TENT2: variants seen among roughly 807,000 people sequenced by gnomAD.
TENT2 encodes the protein poly(A) RNA polymerase GLD2.
Under a neutral mutation model 72.2 loss-of-function variants are expected in TENT2, and 44 were observed. That is an observed-to-expected ratio of 0.61 (90% confidence interval 0.48 to 0.78). TENT2 has a LOEUF of 0.78. TENT2 is among the 30% of genes least tolerant of loss of function. The pLI is 0.00. For synonymous variants in TENT2, 212 were observed against 192.5 expected (o/e 1.10, Z -0.84); for missense variants, 541 against 569.6 (o/e 0.95, Z 0.51).
At chr5:79,628,508 C>T (rs1241937425) in intron 4 of TENT2, among the ~76,000 whole-genome samples, 1 of 151,982 alleles carries the variant, frequency 6.6e-6, no homozygotes, top group Non-Finnish European at 1.5e-5. Flanking sequence ...CTTTCAGTTA[C>T]AGTAGATGGT....
chr5:79,636,543 T>C (rs1047625073), intron 4 of TENT2, among the ~76,000 whole-genome samples: 1 of 152,202 alleles, frequency 6.6e-6, no homozygotes, highest in Non-Finnish European at 1.5e-5. Flanking sequence ...ATTCTTGGAC[T>C]TTTGCCTAAG....
intron 12 of TENT2, 74 bp from the exon 13 acceptor site, chr5:79,679,505 G>C: frequency 1.8e-6 from 2 of 1,088,678 alleles, no homozygotes; most frequent in South Asian, 4.0e-5. Context: ...GTAGGCCTTA[G>C]TATTGATACA....
chr5:79,630,162 A>T (rs1026691160), intron 4 of TENT2, among the ~76,000 whole-genome samples: 2 of 152,094 alleles, frequency 1.3e-5, no homozygotes, highest in Admixed American at 1.3e-4. Flanking sequence ...AAAAATGCAG[A>T]TCACAATTTT....
chr5:79,653,368 C>T (rs1282831641), intron 10 of TENT2, among the ~76,000 whole-genome samples: 1 of 151,888 alleles, frequency 6.6e-6, no homozygotes, highest in Admixed American at 6.6e-5. Context: ...TGGCACATAT[C>T]GTTAGTCCTA....
At chr5:79,653,606 G>C (rs1203374484) in intron 10 of TENT2, among the ~76,000 whole-genome samples, 1 of 152,190 alleles carries the variant, frequency 6.6e-6, no homozygotes, top group Non-Finnish European at 1.5e-5. Flanking sequence ...ATTTACTGAA[G>C]TGGTTTATAA....
At chr5:79,637,177 G>C (rs767965858) in intron 4 of TENT2, among the ~76,000 whole-genome samples, 4 of 152,088 alleles carry the variant, frequency 2.6e-5, no homozygotes, top group Non-Finnish European at 5.9e-5. Flanking sequence ...ACAGCAGTGA[G>C]CTGTGATTGC....
At chr5:79,643,026 A>G in intron 7 of TENT2, 116 bp downstream of exon 7, 1 of 1,251,446 alleles carries the variant, frequency 8.0e-7, no homozygotes, top group African/African-American at 1.5e-5. Flanking sequence ...TATAATATGA[A>G]TTCTTTTTTC....
chr5:79,659,554 ATGTATAT>A (rs1328104940), intron 11 of TENT2, among the ~76,000 whole-genome samples: 3,620 of 47,264 alleles, frequency 0.077, 381 homozygotes, highest in African/African-American at 0.085. Flanking sequence ...AAAAAAAAAA[ATGTATAT>A]ATATATATAT....
intron 8 of TENT2, among the ~76,000 whole-genome samples, chr5:79,647,871 A>C (rs1259702915): frequency 6.6e-6 from 1 of 152,144 alleles, no homozygotes; most frequent in African/African-American, 2.4e-5. Flanking sequence ...CAAAGAAGTA[A>C]TCATTATGTG....
chr5:79,620,095 T>C lies in TENT2; in HGVS notation c.227+12T>C, dbSNP rs777569981. On this transcript the variant is annotated intron_variant, in intron 3 of 14. Transcript: ENST00000453514. ...TTTCGAGGAAGGAAGTAAGTACTTC[T>C]TAATTATTTTAAAAGAATATTTTTG... 6 of 1,534,700 alleles carry C rather than the reference T, an allele frequency of 3.9e-6. No homozygotes were observed. In the South Asian group the frequency reaches 5.7e-5, roughly 15 times the overall value.
intron 4 of TENT2, among the ~76,000 whole-genome samples, chr5:79,635,781 C>T (rs1231915265): frequency 6.6e-6 from 1 of 152,174 alleles, no homozygotes; most frequent in Non-Finnish European, 1.5e-5. Context: ...GTCTTGAACT[C>T]CTGAGCTCCG....
At chr5:79,636,131 G>A (rs959793345) in intron 4 of TENT2, among the ~76,000 whole-genome samples, 4 of 152,072 alleles carry the variant, frequency 2.6e-5, no homozygotes, top group Non-Finnish European at 5.9e-5. Flanking sequence ...AATCCTTCAA[G>A]TATCATGTAA....
At chr5:79,616,260 G>A (rs938096036) in intron 1 of TENT2, among the ~76,000 whole-genome samples, 7 of 138,702 alleles carry the variant, frequency 5.0e-5, no homozygotes, top group African/African-American at 1.7e-4. Flanking sequence ...GTGCAATTGC[G>A]CGATCTTGGC....
intron 12 of TENT2, among the ~76,000 whole-genome samples, chr5:79,670,772 A>C (rs1403008308): frequency 6.7e-6 from 1 of 150,124 alleles, no homozygotes; most frequent in Non-Finnish European, 1.5e-5. Flanking sequence ...GAATTTATCT[A>C]GTGTGCTGTA....
At chr5:79,656,316 T>G (rs1797951086) in intron 10 of TENT2, among the ~76,000 whole-genome samples, 1 of 151,960 alleles carries the variant, frequency 6.6e-6, no homozygotes, top group African/African-American at 2.4e-5. Flanking sequence ...GGATATAATT[T>G]CTTTGTATGA....
In TENT2 at chr5:79,681,150, A is replaced by ATTTTTT. The variant is rs1158559796; in HGVS notation, c.1301-809_1301-804dup. 6.5e-3 allele frequency among the ~76,000 whole-genome samples: 290 copies of ATTTTTT among 44,784 alleles called. 10 individuals carry two copies. Among genetic ancestry groups the ATTTTTT allele is most frequent in the Non-Finnish European group, 9.1e-3 (215 of 23,596 alleles). The allele number at this position is 44,784 out of a possible 152,430, so 29.4% of individuals were successfully genotyped here. ...AGTTACTTCTTTTTTCTTTTCTTTGATTTTTTTTTTTTTTTTTTTTTTTTT... is the reference window on the plus strand; with the variant it reads ...AGTTACTTCTTTTTTCTTTTCTTTGATTTTTTTTTTTTTTTTTTTTTTTTTTTTTTT... On this transcript the variant is annotated intron_variant, in intron 13 of 14. Coordinates refer to ENST00000453514, the MANE Select transcript of TENT2 (RefSeq NM_001114394.3).
At chr5:79,626,174 T>A (rs762767044) in intron 4 of TENT2, among the ~76,000 whole-genome samples, 3 of 151,138 alleles carry the variant, frequency 2.0e-5, no homozygotes, top group Non-Finnish European at 4.4e-5. Context: ...CTTGCTGTCA[T>A]GCCCAGGCTG....
chr5:79,629,394 C>T (rs1379806156), intron 4 of TENT2, among the ~76,000 whole-genome samples: 1 of 152,072 alleles, frequency 6.6e-6, no homozygotes, highest in African/African-American at 2.4e-5. Context: ...GTTGAAACAC[C>T]CTAGAGTAGA....
chr5:79,636,580 T>A (rs1056432619), intron 4 of TENT2, among the ~76,000 whole-genome samples: 1 of 152,222 alleles, frequency 6.6e-6, no homozygotes, highest in African/African-American at 2.4e-5. Flanking sequence ...TCTGTCAGTT[T>A]CTAGAAAGAA....
Sources: gnomAD v4.1 joint callset for allele counts (sites outside exome capture counted in the v4.1 genomes callset) on GRCh38, gnomAD v4.1.1 for gene constraint, MANE v1.5 for transcripts, NCBI Gene and HGNC (gene_info 2026-07-23, HGNC 2026-07-21) for gene names.